The following PXDNL variants were observed in gnomAD, a reference collection of about 807,000 sequenced individuals.
The protein encoded by PXDNL is peroxidasin like.
In PXDNL, 145 loss-of-function variants were observed where a neutral mutation model predicts 150.8. The observed-to-expected ratio is 0.96, with a 90% confidence interval of 0.84 to 1.10. The LOEUF is 1.10. Ranked by LOEUF, PXDNL falls within the 50% of genes least tolerant of loss-of-function variation. The probability of loss-of-function intolerance (pLI) is 0.00; values close to 1 mark genes in which losing one functional copy is unlikely to be tolerated. For synonymous variants in PXDNL, 757 were observed against 725.7 expected (o/e 1.04, Z -0.69); for missense variants, 2,087 against 1,873.9 (o/e 1.11, Z -2.10).
intron 1 of PXDNL, among the ~76,000 whole-genome samples, chr8:51,694,227 G>T (rs61427870): frequency 0.054 from 8,257 of 152,196 alleles, 763 homozygotes; most frequent in African/African-American, 0.19. Flanking sequence ...TGGGGGTGGT[G>T]GTGTGTGTGC....
At chr8:51,327,198 C>T (rs1185475319) in intron 21 of PXDNL, among the ~76,000 whole-genome samples, 1 of 152,154 alleles carries the variant, frequency 6.6e-6, no homozygotes, top group Non-Finnish European at 1.5e-5. Flanking sequence ...AAAAACAATC[C>T]TCCTTGTTGC....
intron 20 of PXDNL, among the ~76,000 whole-genome samples, chr8:51,345,489 C>A (rs907864107): frequency 2.0e-5 from 3 of 152,168 alleles, no homozygotes. Context: ...GATACTATTA[C>A]CTTTCTCGCA....
Position 51,449,009 on chromosome 8 carries a change from T to C in PXDNL, c.1359A>G (p.Thr453=), listed in dbSNP as rs576707885. The part of the protein sequence containing the change: ...DGNPPPVIVW[T]KTGGQLPVEG... ...CTGCAGATGTTCTAATACCTGTTTT[T>C]GTCCAGACAATAACAGGAGGTGGGT... The change falls in exon 11 of 23, where the codon ACA becomes ACG. Residue 453 remains threonine (T), a synonymous_variant. Coordinates refer to ENST00000356297, the MANE Select transcript of PXDNL (RefSeq NM_144651.5). 3.3e-6 allele frequency: 5 copies of C among 1,529,598 alleles called. No individual in the cohort carries two copies. In the African/African-American group the frequency reaches 6.9e-5, roughly 21 times the overall value. 94.8% of individuals were successfully genotyped at this position (1,529,598 alleles called of 1,614,324 possible).
chr8:51,453,693 G>C lies in PXDNL; in HGVS notation c.1075C>G (p.Pro359Ala). The change falls in exon 10 of 23, where the codon CCT becomes GCT. Residue 359 changes from proline to alanine, a missense_variant. By Grantham distance (27) the Pro-to-Ala change is conservative (BLOSUM62 -1). Coordinates refer to ENST00000356297, the MANE Select transcript of PXDNL (RefSeq NM_144651.5). ...TTGTCCCTGGTCCAAGTGATAAGAG[G>C]GTGTGGGTGGCCTGTGGCCATACAT... ...LECMATGHPH[P>A]LITWTRDNGL... The C allele has an allele frequency of 1.2e-6, 2 of 1,614,028 alleles. No individual in the cohort carries two copies. Among genetic ancestry groups the C allele is most frequent in the East Asian group, 4.5e-5 (2 of 44,876 alleles).
At chr8:51,666,530 C>T (rs1300131342) in intron 1 of PXDNL, among the ~76,000 whole-genome samples, 3 of 152,132 alleles carry the variant, frequency 2.0e-5, no homozygotes, top group African/African-American at 7.2e-5. Context: ...TGACTATGCC[C>T]TTCATACTTG....
At chr8:51,739,119 A>G (rs2036874291) in intron 1 of PXDNL, among the ~76,000 whole-genome samples, 2 of 152,152 alleles carry the variant, frequency 1.3e-5, no homozygotes, top group Non-Finnish European at 2.9e-5. Context: ...TAACCAAATC[A>G]CAGTAAACAC....
At chr8:51,687,021 G>T (rs1815892124) in intron 1 of PXDNL, among the ~76,000 whole-genome samples, 1 of 152,006 alleles carries the variant, frequency 6.6e-6, no homozygotes, top group African/African-American at 2.4e-5. Context: ...TTAGACTTAA[G>T]AAAATTGTCA....
intron 17 of PXDNL, among the ~76,000 whole-genome samples, chr8:51,390,061 C>T (rs992775591): frequency 2.0e-5 from 3 of 151,766 alleles, no homozygotes; most frequent in Admixed American, 6.6e-5. Context: ...CCATGCCCCC[C>T]CCACCAAAAA....
intron 4 of PXDNL, among the ~76,000 whole-genome samples, chr8:51,543,516 T>A (rs1272723064): frequency 1.3e-5 from 2 of 151,652 alleles, no homozygotes; most frequent in African/African-American, 4.8e-5. Context: ...ATTGAGACAA[T>A]CCTGGCTAAC....
rs114896573 is a variant in PXDNL at position 51,736,217 on chromosome 8, T to C, written c.164+72964A>G. ...CATTTATGTCGCACAGAATATGGCA[T>C]TGTCATATACATTTGTATAGAGTGA... On this transcript the variant is annotated intron_variant, in intron 1 of 22. Transcript: ENST00000356297. Among the ~76,000 whole-genome samples, 394 of 152,338 alleles carry C rather than the reference T, an allele frequency of 2.6e-3. 3 individuals are homozygous for C. The highest frequency in any genetic ancestry group is 8.9e-3 in the African/African-American group (371 of 41,582).
At chr8:51,536,499 G>A (rs572643593) in intron 4 of PXDNL, among the ~76,000 whole-genome samples, 19 of 152,200 alleles carry the variant, frequency 1.2e-4, no homozygotes, top group Non-Finnish European at 2.5e-4. Context: ...TAATGAAGGC[G>A]TGGAGGGGAA....
Position 51,502,270 on chromosome 8 carries a change from T to G in PXDNL, c.381-2500A>C, listed in dbSNP as rs145515450. On this transcript the variant is annotated intron_variant, in intron 4 of 22. Transcript: ENST00000356297. ...TCTAGCAGCAAGTGGGGGGCGGCCGTGCACAGGCTCAGCTGACACAGATCA... is the reference window on the plus strand; with the variant it reads ...TCTAGCAGCAAGTGGGGGGCGGCCGGGCACAGGCTCAGCTGACACAGATCA... Among the ~76,000 whole-genome samples, 367 of 152,308 alleles carry G rather than the reference T, an allele frequency of 2.4e-3. 3 individuals carry two copies. The highest frequency in any genetic ancestry group is 0.019 in the Admixed American group (294 of 15,300).
At chr8:51,613,110 G>C (rs368831242) in intron 2 of PXDNL, among the ~76,000 whole-genome samples, 1 of 152,080 alleles carries the variant, frequency 6.6e-6, no homozygotes, top group African/African-American at 2.4e-5. Flanking sequence ...GATCACAGCT[G>C]ATAAGCAATT....
rs181873236 is a variant in PXDNL, at chr8:51,702,876, G to A, written c.165-48116C>T. Among the ~76,000 whole-genome samples, 4 of 152,212 alleles carry A rather than the reference G, an allele frequency of 2.6e-5. No individual in the cohort carries two copies. The East Asian group carries it at 5.8e-4, about 22-fold the overall frequency. ...AACGCAGAAACAAAAGAAAACTTCC[G>A]GGGTCTGTTTTCTATTTCAACATAA... On this transcript the variant is annotated intron_variant, in intron 1 of 22. Coordinates refer to ENST00000356297, the MANE Select transcript of PXDNL (RefSeq NM_144651.5).
intron 4 of PXDNL, among the ~76,000 whole-genome samples, chr8:51,554,086 C>T (rs561924393): frequency 5.0e-4 from 76 of 152,220 alleles, no homozygotes; most frequent in African/African-American, 1.8e-3. Flanking sequence ...ATGTTCTTTA[C>T]CAATAAGTTT....
At chr8:51,585,307 C>T (rs1048375908) in intron 3 of PXDNL, among the ~76,000 whole-genome samples, 1 of 151,972 alleles carries the variant, frequency 6.6e-6, no homozygotes. Context: ...GATTTGGGAG[C>T]CAGGAGCATC....
chr8:51,338,937 G>A (rs1805910228), intron 21 of PXDNL, among the ~76,000 whole-genome samples: 1 of 152,144 alleles, frequency 6.6e-6, no homozygotes, highest in South Asian at 2.1e-4. Context: ...GATAAGAAAA[G>A]TATACATCGT....
At chr8:51,722,698 A>G (rs1816753961) in intron 1 of PXDNL, among the ~76,000 whole-genome samples, 1 of 152,100 alleles carries the variant, frequency 6.6e-6, no homozygotes, top group Admixed American at 6.5e-5. Context: ...CTCAGCATTC[A>G]GACACTCCTT....
At chr8:51,683,770 A>T (rs1815810880) in intron 1 of PXDNL, among the ~76,000 whole-genome samples, 1 of 152,214 alleles carries the variant, frequency 6.6e-6, no homozygotes, top group South Asian at 2.1e-4. Flanking sequence ...CAGGACTATA[A>T]GAAAAGAGGC....
Sources: allele counts gnomAD v4.1 joint callset (sites outside exome capture counted in the v4.1 genomes callset), GRCh38; gene constraint gnomAD v4.1.1; transcripts MANE v1.5; gene names NCBI Gene and HGNC (gene_info 2026-07-23, HGNC 2026-07-21).